NCKAP5: variants seen among roughly 807,000 people sequenced by gnomAD.
NCKAP5 encodes NCK associated protein 5, also known as nck-associated protein 5.
A neutral mutation model predicts 167.0 loss-of-function variants in NCKAP5; 92 were observed. That is an observed-to-expected ratio of 0.55 (90% CI 0.47 to 0.66). The LOEUF is 0.66. Ranked by LOEUF, NCKAP5 falls within the 30% of genes least tolerant of loss-of-function variation. The pLI is 0.00. For synonymous variants in NCKAP5, 891 were observed against 877.4 expected (o/e 1.02, Z -0.27); for missense variants, 2,378 against 2,315.0 (o/e 1.03, Z -0.56).
chr2:133,524,284 T>C (rs1167947858), intron 2 of NCKAP5, among the ~76,000 whole-genome samples: 1 of 152,192 alleles, frequency 6.6e-6, no homozygotes, highest in Non-Finnish European at 1.5e-5. Flanking sequence ...CTACCTTTCC[T>C]TAGCCACCAT....
At chr2:133,182,516 T>C (rs958847257) in intron 5 of NCKAP5, among the ~76,000 whole-genome samples, 1 of 152,150 alleles carries the variant, frequency 6.6e-6, no homozygotes, top group Non-Finnish European at 1.5e-5. Flanking sequence ...AACAGCACAC[T>C]TCTAAATAAT....
intron 4 of NCKAP5, among the ~76,000 whole-genome samples, chr2:133,217,137 C>G (rs940856170): frequency 1.3e-5 from 2 of 152,132 alleles, no homozygotes; most frequent in South Asian, 4.1e-4. Flanking sequence ...CTATAAGCAA[C>G]GAGTCTTTGG....
intron 11 of NCKAP5, among the ~76,000 whole-genome samples, chr2:132,808,695 T>A (rs976214102): frequency 6.6e-6 from 1 of 152,144 alleles, no homozygotes; most frequent in African/African-American, 2.4e-5. Flanking sequence ...ATTTTATTTA[T>A]CTTTTCAATG....
intron 11 of NCKAP5, among the ~76,000 whole-genome samples, chr2:132,801,193 G>C (rs1485371613): frequency 6.6e-6 from 1 of 152,180 alleles, no homozygotes; most frequent in African/African-American, 2.4e-5. Flanking sequence ...CCAGGTATAA[G>C]GAGTTTGGCT....
intron 8 of NCKAP5, among the ~76,000 whole-genome samples, chr2:132,922,683 G>A (rs1361436169): frequency 6.6e-6 from 1 of 152,050 alleles, no homozygotes; most frequent in Non-Finnish European, 1.5e-5. Flanking sequence ...TCCTCACAAG[G>A]GCCCCCATGA....
At chr2:132,768,939 CTTTT>C (rs1226877275) in intron 16 of NCKAP5, among the ~76,000 whole-genome samples, 12,029 of 116,026 alleles carry the variant, frequency 0.1, 497 homozygotes, top group East Asian at 0.14. Flanking sequence ...ACACCTGGCC[CTTTT>C]TTTTTTTTTT....
intron 8 of NCKAP5, among the ~76,000 whole-genome samples, chr2:132,941,627 G>GGTCTCA (rs1360722660): frequency 6.6e-6 from 1 of 152,166 alleles, no homozygotes; most frequent in Non-Finnish European, 1.5e-5. Flanking sequence ...GATGATTCCT[G>GGTCTCA]GTCTCATGGC....
At chr2:133,020,350 T>C (rs576609669) in intron 6 of NCKAP5, among the ~76,000 whole-genome samples, 1 of 152,292 alleles carries the variant, frequency 6.6e-6, no homozygotes, top group African/African-American at 2.4e-5. Flanking sequence ...GGTGGTCAGC[T>C]GCAGGCAAGG....
chr2:132,846,137 T>C (rs1338334749), intron 11 of NCKAP5, among the ~76,000 whole-genome samples: 1 of 152,180 alleles, frequency 6.6e-6, no homozygotes, highest in Non-Finnish European at 1.5e-5. Flanking sequence ...CAGCGTACCT[T>C]GGTGAACTTA....
the NCKAP5 span, among the ~76,000 whole-genome samples, chr2:133,654,375 C>CATAAA: frequency 3.9e-5 from 3 of 77,268 alleles, no homozygotes; most frequent in Non-Finnish European, 8.2e-5. Flanking sequence ...GAGACTCTAT[C>CATAAA]TCAAATAAAT....
intron 5 of NCKAP5, among the ~76,000 whole-genome samples, chr2:133,156,459 T>A (rs1016486719): frequency 6.6e-6 from 1 of 152,134 alleles, no homozygotes; most frequent in Non-Finnish European, 1.5e-5. Context: ...CAAAAATATG[T>A]GCTGAGAAAA....
At chr2:133,296,510 G>T (rs1679971989) in intron 4 of NCKAP5, among the ~76,000 whole-genome samples, 1 of 152,068 alleles carries the variant, frequency 6.6e-6, no homozygotes, top group African/African-American at 2.4e-5. Context: ...TTGTTAGATT[G>T]TTCCATTAGT....
chr2:133,364,025 T>G (rs781194343), intron 3 of NCKAP5, among the ~76,000 whole-genome samples: 4 of 152,222 alleles, frequency 2.6e-5, no homozygotes, highest in Admixed American at 6.5e-5. Context: ...TTATTTCATT[T>G]AATCCCTCAA....
chr2:133,330,053 CTTTTTTTTTTT>C (rs1165568563), intron 3 of NCKAP5, among the ~76,000 whole-genome samples: 1,577 of 85,688 alleles, frequency 0.018, 42 homozygotes, highest in African/African-American at 0.069. Flanking sequence ...AAAGCAAGAC[CTTTTTTTTTTT>C]TTTTTTTTTT....
At chr2:133,061,557 G>T (rs539947552) in intron 6 of NCKAP5, among the ~76,000 whole-genome samples, 1 of 152,156 alleles carries the variant, frequency 6.6e-6, no homozygotes, top group Non-Finnish European at 1.5e-5. Context: ...AAAGAAGGGA[G>T]TAATCCTCCA....
chr2:133,135,483 C>CTCAT (rs972261482), intron 5 of NCKAP5, among the ~76,000 whole-genome samples: 2 of 152,092 alleles, frequency 1.3e-5, no homozygotes, highest in Admixed American at 6.6e-5. Flanking sequence ...AAAATGATGA[C>CTCAT]TCATTACCAA....
chr2:133,585,682 A>G, the NCKAP5 span, among the ~76,000 whole-genome samples: 43,529 of 152,118 alleles, frequency 0.29, 6,726 homozygotes, highest in African/African-American at 0.4. Context: ...GTCACTTTAC[A>G]TATGTTATTT....
chr2:133,312,628 A>C (rs1681326695), intron 3 of NCKAP5, among the ~76,000 whole-genome samples: 1 of 152,186 alleles, frequency 6.6e-6, no homozygotes, highest in Non-Finnish European at 1.5e-5. Context: ...ACAGTCCTAC[A>C]TGCTAAGGAT....
At chr2:133,191,255 T>C (rs1292554617) in intron 5 of NCKAP5, among the ~76,000 whole-genome samples, 1 of 152,120 alleles carries the variant, frequency 6.6e-6, no homozygotes, top group Non-Finnish European at 1.5e-5. Flanking sequence ...ATGGTGATCA[T>C]TAAAAAGTCA....
Sources: allele counts gnomAD v4.1 joint callset (sites outside exome capture counted in the v4.1 genomes callset), GRCh38; gene constraint gnomAD v4.1.1; transcripts MANE v1.5; gene names NCBI Gene and HGNC (gene_info 2026-07-23, HGNC 2026-07-21).